The following PCYT1B variants were observed in gnomAD, a reference collection of about 807,000 sequenced individuals.
The protein encoded by PCYT1B is choline-phosphate cytidylyltransferase B.
A neutral mutation model predicts 26.4 loss-of-function variants in PCYT1B; 10 were observed. The ratio of observed to expected loss-of-function variants is 0.38; its 90% confidence interval spans 0.23 to 0.64. The LOEUF is 0.64. Ranked by LOEUF, PCYT1B falls within the 30% of genes least tolerant of loss-of-function variation. The pLI is 0.56. For synonymous variants in PCYT1B, 131 were observed against 108.4 expected (o/e 1.21, Z -1.29); for missense variants, 161 against 292.7 (o/e 0.55, Z 3.28).
chrX:24,562,650 A>G (rs953823051), intron 7 of PCYT1B, 145 bp from the exon 8 acceptor site: 10 of 493,111 alleles, frequency 2.0e-5, no homozygotes, highest in African/African-American at 1.7e-4. Flanking sequence ...CGTGTTGTCC[A>G]AGACTATGTA....
intron 1 of PCYT1B, among the ~76,000 whole-genome samples, chrX:24,644,705 A>G (rs1248865866): frequency 9.0e-6 from 1 of 111,057 alleles, no homozygotes; most frequent in Non-Finnish European, 1.9e-5. Flanking sequence ...TGTAGAGCAC[A>G]TTGCCAGCTT....
At chrX:24,602,206 C>T (rs774143749) in intron 3 of PCYT1B, among the ~76,000 whole-genome samples, 1 of 111,825 alleles carries the variant, frequency 8.9e-6, no homozygotes, top group East Asian at 2.8e-4. Flanking sequence ...CATTGAGGAG[C>T]ATTAATTGAA....
intron 2 of PCYT1B, among the ~76,000 whole-genome samples, chrX:24,616,254 A>ATTTTT (rs1569248437): frequency 6.4e-4 from 34 of 53,082 alleles, no homozygotes; most frequent in Non-Finnish European, 8.1e-4. Context: ...TTTTTTTTTA[A>ATTTTT]AAAAACAGAG....
chrX:24,592,802 C>T (rs1924612488), intron 3 of PCYT1B, among the ~76,000 whole-genome samples: 1 of 112,082 alleles, frequency 8.9e-6, no homozygotes, highest in African/African-American at 3.2e-5. Flanking sequence ...TTGAATGCTT[C>T]TTCTCAGGTC....
At chrX:24,594,833 AC>A (rs1374171782) in intron 3 of PCYT1B, among the ~76,000 whole-genome samples, 2 of 111,225 alleles carry the variant, frequency 1.8e-5, no homozygotes, top group Non-Finnish European at 3.8e-5. Context: ...CTGGCAGCTC[AC>A]TGTGCTCCCA....
intron 7 of PCYT1B, among the ~76,000 whole-genome samples, chrX:24,568,260 C>T (rs1014103591): frequency 3.6e-5 from 4 of 111,869 alleles, no homozygotes; most frequent in African/African-American, 9.8e-5. Flanking sequence ...AGTCTGGGTG[C>T]GATGGCTCAT....
At chrX:24,572,918 T>TTTTA (rs1923878079) in intron 7 of PCYT1B, among the ~76,000 whole-genome samples, 3 of 96,316 alleles carry the variant, frequency 3.1e-5, no homozygotes, top group Non-Finnish European at 6.2e-5. Context: ...TTTCATCAAA[T>TTTTA]TATATATATA....
At chrX:24,610,094 T>G (rs754907427) in intron 2 of PCYT1B, among the ~76,000 whole-genome samples, 1 of 106,955 alleles carries the variant, frequency 9.3e-6, no homozygotes, top group South Asian at 4.0e-4. Flanking sequence ...GTGTCTCAAA[T>G]TATATATATA....
chrX:24,656,890 T>C (rs1926933864), intron 1 of PCYT1B, among the ~76,000 whole-genome samples: 1 of 111,501 alleles, frequency 9.0e-6, no homozygotes. Flanking sequence ...TTTAAGAAGG[T>C]CTTAAAAGAG....
At chrX:24,629,598 T>C (rs1457781448) in intron 1 of PCYT1B, among the ~76,000 whole-genome samples, 3 of 59,932 alleles carry the variant, frequency 5.0e-5, no homozygotes, top group African/African-American at 1.5e-4. Context: ...AAACAACACG[T>C]ATTTTCCAAC....
In PCYT1B at chrX:24,589,720, C is replaced by T. The variant is rs1049614541; in HGVS notation, c.486+303G>A. Among the ~76,000 whole-genome samples the T allele has an allele frequency of 4.5e-5, 5 of 111,541 alleles. No individual in the cohort carries two copies. In the East Asian group the frequency reaches 1.4e-3, roughly 31 times the overall value. On this transcript the variant is annotated intron_variant, in intron 4 of 7. Transcript: ENST00000379144. ...AAGATACCAACATCATCCCATTTTA[C>T]AGTTGAGGTAAGCGAGTACAGTGTG... is the stretch of plus-strand genomic sequence containing the variant.
rs1404882182 is a variant in PCYT1B at position 24,579,376 on chromosome X, A to G, written c.648T>C (p.Tyr216=). 8.3e-7 allele frequency: 1 copy of G among 1,205,706 alleles called. No homozygotes were observed. The highest frequency in any genetic ancestry group is 1.1e-6 in the Non-Finnish European group (1 of 891,927). The change falls in exon 6 of 8, where the codon TAT becomes TAC. Residue 216 remains tyrosine, a synonymous_variant. Coordinates refer to ENST00000379144, the MANE Select transcript of PCYT1B (RefSeq NM_004845.5). ...ACCCTCTCTGGAGGTTACGTCGGGC[A>G]TAAACATCATAGTCACGAACAATTC... ...ITRIVRDYDV[Y]ARRNLQRGYT... is the part of the protein sequence containing the mutation.
chrX:24,619,128 C>G (rs1393477626), intron 1 of PCYT1B, 44 bp from the exon 2 acceptor site: 3 of 936,636 alleles, frequency 3.2e-6, no homozygotes, highest in Non-Finnish European at 4.6e-6. Flanking sequence ...GACAAACTTT[C>G]CTTTGGCACT....
At chrX:24,589,886 T>C (rs1924499542) in intron 4 of PCYT1B, 137 bp downstream of exon 4, 1 of 484,778 alleles carries the variant, frequency 2.1e-6, no homozygotes, top group African/African-American at 2.4e-5. Context: ...AGGTGCCACA[T>C]CAAGCAGTTC....
In PCYT1B at chrX:24,623,364, CATAT is replaced by C. The variant is rs57642734; in HGVS notation, c.118-4284_118-4281del. Reference sequence around the variant, plus strand: ...GGGTTTGGTTGGCACATGAGATTTACATATATATATATATATATATATATATATA... The same window carrying C: ...GGGTTTGGTTGGCACATGAGATTTACATATATATATATATATATATATATA... On this transcript the variant is annotated intron_variant, in intron 1 of 7. Coordinates refer to ENST00000379144, the MANE Select transcript of PCYT1B (RefSeq NM_004845.5). 4.1e-3 allele frequency among the ~76,000 whole-genome samples: 329 copies of C among 79,658 alleles called. 1 individual carries two copies. Among genetic ancestry groups the C allele is most frequent in the East Asian group, 0.014 (38 of 2,705 alleles). 69.2% of individuals were successfully genotyped at this position (79,658 alleles called of 115,157 possible).
intron 3 of PCYT1B, among the ~76,000 whole-genome samples, chrX:24,598,488 C>G (rs1311537175): frequency 1.8e-5 from 2 of 109,861 alleles, no homozygotes; most frequent in East Asian, 5.6e-4. Context: ...TATATATACA[C>G]ACACACACAC....
chrX:24,619,776 C>T (rs967282591), intron 1 of PCYT1B, among the ~76,000 whole-genome samples: 1 of 112,609 alleles, frequency 8.9e-6, no homozygotes, highest in African/African-American at 3.2e-5. Flanking sequence ...CAGCGACTAG[C>T]GGCTAGAGGC....
At chrX:24,634,084 TA>T (rs747744393) in intron 1 of PCYT1B, among the ~76,000 whole-genome samples, 9 of 106,622 alleles carry the variant, frequency 8.4e-5, no homozygotes, top group East Asian at 3.0e-4. Context: ...CTCATCTAAT[TA>T]AAAAAAAAAA....
chrX:24,591,725 C>A (rs997880154), intron 3 of PCYT1B, among the ~76,000 whole-genome samples: 6 of 111,732 alleles, frequency 5.4e-5, no homozygotes, highest in African/African-American at 2.0e-4. Flanking sequence ...GCCCAGCCAA[C>A]AAATTCACTA....
Sources: gnomAD v4.1 joint callset for allele counts (sites outside exome capture counted in the v4.1 genomes callset) on GRCh38, gnomAD v4.1.1 for gene constraint, MANE v1.5 for transcripts, NCBI Gene and HGNC (gene_info 2026-07-23, HGNC 2026-07-21) for gene names.